The following VWC2 variants were observed in gnomAD, a reference collection of about 807,000 sequenced individuals.
VWC2 encodes von Willebrand factor C domain containing 2.
In VWC2, 14 loss-of-function variants were observed where a neutral mutation model predicts 29.8. The ratio of observed to expected loss-of-function variants is 0.47; its 90% CI spans 0.31 to 0.74. The LOEUF is 0.74. Among genes scored for constraint, VWC2 ranks in the 30% least tolerant of loss-of-function variants. The probability of loss-of-function intolerance (pLI) is 0.05; values close to 1 mark genes in which losing one functional copy is unlikely to be tolerated. For missense variants in VWC2, 457 were observed against 459.8 expected (o/e 0.99, Z 0.05); for synonymous variants, 213 against 199.0 (o/e 1.07, Z -0.59).
intron 3 of VWC2, among the ~76,000 whole-genome samples, chr7:49,820,166 G>A (rs975085042): frequency 2.0e-5 from 3 of 152,066 alleles, no homozygotes; most frequent in African/African-American, 7.2e-5. Flanking sequence ...TAAACATTAG[G>A]TAGGTGCCAT....
In VWC2 at chr7:49,807,265, A is replaced by G. The variant is rs915545696; in HGVS notation, c.826+4425A>G. On this transcript the variant is annotated intron_variant, in intron 3 of 3. Coordinates refer to ENST00000340652, the MANE Select transcript of VWC2 (RefSeq NM_198570.5). ...GTACAAAATTCTAGCCAAAAATCCA[A>G]TGGTTTTCTGTAGCAATTATCAAAC... is the stretch of plus-strand genomic sequence containing the variant. Among the ~76,000 whole-genome samples, 53 of 152,314 alleles carry G rather than the reference A, an allele frequency of 3.5e-4. 2 individuals carry two copies. Among genetic ancestry groups the G allele is most frequent in the Admixed American group, 2.4e-3 (36 of 15,298 alleles).
rs1167162977 is a variant in VWC2, at chr7:49,921,435, T to C, written c.*9250T>C. On this transcript the variant is annotated 3_prime_UTR_variant, in exon 4 of 4. Coordinates refer to ENST00000340652, the MANE Select transcript of VWC2 (RefSeq NM_198570.5). ...TGCAATTTATTTGCTTTAATGTAAC[T>C]TGGCAGTAAAGACTTTGGCCTTTGG... The C allele has an allele frequency of 6.6e-6, 1 of 152,230 alleles. No individual in the cohort carries two copies. Among genetic ancestry groups the C allele is most frequent in the Admixed American group, 6.5e-5 (1 of 15,276 alleles). The allele number at this position is 152,230 out of a possible 1,614,324, so 9.4% of individuals were successfully genotyped here.
chr7:49,890,974 A>C (rs942387136), intron 3 of VWC2, among the ~76,000 whole-genome samples: 2 of 152,214 alleles, frequency 1.3e-5, no homozygotes, highest in African/African-American at 4.8e-5. Context: ...GAACAAAAAA[A>C]GATGGGCTAA....
At chr7:49,818,185 A>G (rs951636506) in intron 3 of VWC2, among the ~76,000 whole-genome samples, 1 of 152,176 alleles carries the variant, frequency 6.6e-6, no homozygotes, top group East Asian at 1.9e-4. Context: ...AAAATTTTCT[A>G]GTCATTAGAA....
At chr7:49,890,126 C>A (rs1443949992) in intron 3 of VWC2, among the ~76,000 whole-genome samples, 1 of 152,176 alleles carries the variant, frequency 6.6e-6, no homozygotes, top group East Asian at 1.9e-4. Flanking sequence ...CCTTTAGGAA[C>A]AGAGGGAATA....
intron 3 of VWC2, among the ~76,000 whole-genome samples, chr7:49,842,885 G>A (rs937591772): frequency 1.9e-4 from 29 of 151,954 alleles, no homozygotes; most frequent in Admixed American, 6.6e-5. Context: ...TTCATCTCCC[G>A]TTTCTGTTTT....
At chr7:49,857,285 TTTC>T (rs1470573852) in intron 3 of VWC2, among the ~76,000 whole-genome samples, 5 of 152,204 alleles carry the variant, frequency 3.3e-5, no homozygotes, top group Non-Finnish European at 5.9e-5. Flanking sequence ...TCATGCAGTA[TTTC>T]TTCTTCTGTG....
chr7:49,851,615 T>G (rs532329485), intron 3 of VWC2, among the ~76,000 whole-genome samples: 2 of 152,186 alleles, frequency 1.3e-5, no homozygotes, highest in Non-Finnish European at 2.9e-5. Flanking sequence ...ATCCCAGCAC[T>G]TCGGGAGGCC....
chr7:49,818,637 TA>T (rs1789201883), intron 3 of VWC2, among the ~76,000 whole-genome samples: 1 of 151,926 alleles, frequency 6.6e-6, no homozygotes, highest in Admixed American at 6.6e-5. Flanking sequence ...TGGATCTGGC[TA>T]GACCTGCTGC....
chr7:49,832,447 G>A (rs1249034066), intron 3 of VWC2, among the ~76,000 whole-genome samples: 1 of 152,054 alleles, frequency 6.6e-6, no homozygotes, highest in Non-Finnish European at 1.5e-5. Context: ...GTTCCTATGA[G>A]CTGATCAGAG....
At chr7:49,814,209 CTCAGT>C (rs981711491) in intron 3 of VWC2, among the ~76,000 whole-genome samples, 1 of 152,154 alleles carries the variant, frequency 6.6e-6, no homozygotes. Context: ...AGAGAAGAAC[CTCAGT>C]ATCCCAGCCT....
intron 3 of VWC2, among the ~76,000 whole-genome samples, chr7:49,886,969 G>A (rs559629364): frequency 2.2e-4 from 33 of 150,802 alleles, no homozygotes; most frequent in African/African-American, 7.3e-4. Flanking sequence ...TGTCTTGTTT[G>A]CCTTTACCTT....
At chr7:49,865,009 C>T (rs1790819054) in intron 3 of VWC2, among the ~76,000 whole-genome samples, 1 of 74,904 alleles carries the variant, frequency 1.3e-5, no homozygotes. Flanking sequence ...TGCCTACTCT[C>T]AATTTTTTCT....
intron 3 of VWC2, among the ~76,000 whole-genome samples, chr7:49,827,629 C>T (rs1310663127): frequency 6.6e-6 from 1 of 151,754 alleles, no homozygotes. Flanking sequence ...TATTTTCTAC[C>T]ATTCTTACAG....
rs1479442893 is a variant in VWC2 at position 49,896,916 on chromosome 7, T to C, written c.827-15118T>C. 3.0e-5 allele frequency among the ~76,000 whole-genome samples: 4 copies of C among 133,482 alleles called. No homozygotes were observed. The Admixed American group carries it at 3.5e-4, about 12-fold the overall frequency. The allele number at this position is 133,482 out of a possible 152,430, so 87.6% of individuals were successfully genotyped here. A position where few individuals can be genotyped will look rare whatever the true frequency, so the allele number is the denominator to read the frequency against. On this transcript the variant is annotated intron_variant, in intron 3 of 3. Coordinates refer to ENST00000340652, the MANE Select transcript of VWC2 (RefSeq NM_198570.5). ...TTTTTTTTTTTTTTTTGAGACGGAG[T>C]CTCGCTCTGTCGCCCAGGCCGGACT...
intron 3 of VWC2, among the ~76,000 whole-genome samples, chr7:49,904,613 T>C (rs1792979030): frequency 6.6e-6 from 1 of 152,218 alleles, no homozygotes; most frequent in Non-Finnish European, 1.5e-5. Context: ...TTAGTTAAAT[T>C]TTTATAACTT....
intron 2 of VWC2, among the ~76,000 whole-genome samples, chr7:49,788,642 TGTGA>T (rs781271586): frequency 4.7e-5 from 7 of 148,280 alleles, no homozygotes; most frequent in Non-Finnish European, 5.9e-5. Context: ...AGTGTGTGGG[TGTGA>T]GTGTGGATGT....
chr7:49,775,297 C>T lies in VWC2; in HGVS notation c.-103-36C>T, dbSNP rs538382345. ...CGCGGCGGGCCGGGGCGCGCGCGGG[C>T]CGCGGGGCTCAGTTGTGCTGCTGTT... On this transcript the variant is annotated intron_variant, in intron 1 of 3. Transcript: ENST00000340652. The T allele has an allele frequency of 1.4e-5, 7 of 494,326 alleles. No individual in the cohort carries two copies. The South Asian group carries it at 3.9e-4, about 28-fold the overall frequency. The allele number at this position is 494,326 out of a possible 1,614,324, so 30.6% of individuals were successfully genotyped here.
At chr7:49,827,544 T>C (rs1789429504) in intron 3 of VWC2, among the ~76,000 whole-genome samples, 1 of 72,786 alleles carries the variant, frequency 1.4e-5, no homozygotes, top group East Asian at 3.9e-4. Flanking sequence ...AAACAATAAC[T>C]TTTTATTTTT....
Sources: gnomAD v4.1 joint callset for allele counts (sites outside exome capture counted in the v4.1 genomes callset) on GRCh38, gnomAD v4.1.1 for gene constraint, MANE v1.5 for transcripts, NCBI Gene and HGNC (gene_info 2026-07-23, HGNC 2026-07-21) for gene names.